MARCHF1: variants seen among roughly 807,000 people sequenced by gnomAD.
MARCHF1 encodes the protein membrane associated ring-CH-type finger 1, also known as E3 ubiquitin-protein ligase MARCHF1.
Under a neutral mutation model 54.2 loss-of-function variants are expected in MARCHF1, and 40 were observed. The ratio of observed to expected loss-of-function variants is 0.74; its 90% CI spans 0.57 to 0.96. The LOEUF is 0.96. MARCHF1 is among the 40% of genes least tolerant of loss of function. MARCHF1 has a pLI of 0.00. For synonymous variants in MARCHF1, 236 were observed against 236.3 expected (o/e 1.00, Z 0.01); for missense variants, 586 against 656.5 (o/e 0.89, Z 1.17).
At chr4:164,141,480 T>C (rs17044543) in intron 1 of MARCHF1, among the ~76,000 whole-genome samples, 28,242 of 152,142 alleles carry the variant, frequency 0.19, 4,119 homozygotes, top group African/African-American at 0.39. Flanking sequence ...GTCTGTGCCA[T>C]ACCAAATCAG....
At chr4:164,285,576 A>G (rs956268780) in intron 1 of MARCHF1, among the ~76,000 whole-genome samples, 1 of 151,836 alleles carries the variant, frequency 6.6e-6, no homozygotes, top group Non-Finnish European at 1.5e-5. Flanking sequence ...ACGAGTAGCT[A>G]GGACTCTAGG....
At chr4:164,119,937 T>C (rs1756029288) in intron 1 of MARCHF1, among the ~76,000 whole-genome samples, 1 of 152,060 alleles carries the variant, frequency 6.6e-6, no homozygotes, top group African/African-American at 2.4e-5. Context: ...ATGCCAATAG[T>C]ATTTAAATTG....
At chr4:163,905,558 T>C (rs760722890) in intron 3 of MARCHF1, among the ~76,000 whole-genome samples, 1 of 152,116 alleles carries the variant, frequency 6.6e-6, no homozygotes, top group Non-Finnish European at 1.5e-5. Context: ...AGGAAGAATT[T>C]CTGCTGAGAG....
intron 2 of MARCHF1, among the ~76,000 whole-genome samples, chr4:164,054,423 G>A (rs77650824): frequency 8.0e-5 from 12 of 150,598 alleles, no homozygotes; most frequent in East Asian, 2.0e-4. Context: ...TCCCATTACT[G>A]GGTATATACC....
chr4:164,111,735 G>A (rs1383062731), intron 1 of MARCHF1, 73 bp from the exon 2 acceptor site: 1 of 151,562 alleles, frequency 6.6e-6, no homozygotes, highest in African/African-American at 2.4e-5. Context: ...TTTGTATAAT[G>A]GAAAGACCAC....
intron 5 of MARCHF1, among the ~76,000 whole-genome samples, chr4:163,666,682 A>AT (rs1220376473): frequency 1.3e-5 from 2 of 151,734 alleles, no homozygotes; most frequent in Non-Finnish European, 2.9e-5. Context: ...CAGACAGAAG[A>AT]TGTCTTGTCA....
intron 2 of MARCHF1, among the ~76,000 whole-genome samples, chr4:164,031,103 C>G (rs1378383730): frequency 6.6e-6 from 1 of 152,140 alleles, no homozygotes; most frequent in African/African-American, 2.4e-5. Context: ...ACTTCCAATA[C>G]TCTGATGCAT....
At chr4:163,798,293 G>A (rs1224411514) in intron 4 of MARCHF1, among the ~76,000 whole-genome samples, 1 of 152,106 alleles carries the variant, frequency 6.6e-6, no homozygotes, top group Non-Finnish European at 1.5e-5. Context: ...TGCAAGCCAG[G>A]AAGGGAAACT....
chr4:164,101,318 T>G (rs9759819), intron 2 of MARCHF1, among the ~76,000 whole-genome samples: 1 of 147,656 alleles, frequency 6.8e-6, no homozygotes, highest in African/African-American at 2.5e-5. Context: ...CAGGGCACAG[T>G]CAAACAAAAA....
At chr4:163,981,656 A>G (rs1752766014) in intron 3 of MARCHF1, among the ~76,000 whole-genome samples, 1 of 152,194 alleles carries the variant, frequency 6.6e-6, no homozygotes, top group African/African-American at 2.4e-5. Context: ...CAGTACCTCA[A>G]ATTGAGGGAT....
chr4:163,763,237 T>C (rs887712840), intron 4 of MARCHF1, among the ~76,000 whole-genome samples: 1 of 152,064 alleles, frequency 6.6e-6, no homozygotes, highest in African/African-American at 2.4e-5. Context: ...GTAAACGTGA[T>C]CATGACCTGT....
Position 163,765,256 on chromosome 4 carries a change from T to C in MARCHF1, c.112-64393A>G, listed in dbSNP as rs1488026645. Among the ~76,000 whole-genome samples, 7 of 152,242 alleles carry C rather than the reference T, an allele frequency of 4.6e-5. 1 individual carries two copies. The highest frequency in any genetic ancestry group is 1.7e-4 in the African/African-American group (7 of 41,564). On this transcript the variant is annotated intron_variant, in intron 4 of 9. Coordinates refer to ENST00000514618, the MANE Select transcript of MARCHF1 (RefSeq NM_001394959.1). ...AAACTTAAAAGTGTGAAGCCCTATT[T>C]GCTGTATAGTCATTATATTCTAAAC...
chr4:163,715,094 A>C (rs1170821658), intron 4 of MARCHF1, among the ~76,000 whole-genome samples: 1 of 152,178 alleles, frequency 6.6e-6, no homozygotes, highest in East Asian at 1.9e-4. Context: ...AACGCCATTA[A>C]ATGGATTTTG....
At chr4:164,374,153 A>AT (rs1190350708) in intron 1 of MARCHF1, among the ~76,000 whole-genome samples, 5 of 152,166 alleles carry the variant, frequency 3.3e-5, no homozygotes, top group Non-Finnish European at 5.9e-5. Flanking sequence ...TTTTCGCATC[A>AT]TTTTTTCCTC....
intron 2 of MARCHF1, among the ~76,000 whole-genome samples, chr4:164,038,676 G>A (rs1754062979): frequency 6.6e-6 from 1 of 152,088 alleles, no homozygotes; most frequent in East Asian, 1.9e-4. Flanking sequence ...AGTGTAGACT[G>A]ATTGTATTTG....
intron 1 of MARCHF1, among the ~76,000 whole-genome samples, chr4:164,177,451 A>G (rs530665551): frequency 6.6e-6 from 1 of 152,228 alleles, no homozygotes; most frequent in Non-Finnish European, 1.5e-5. Context: ...ATGGCTTGTG[A>G]ATGACAAAGG....
intron 3 of MARCHF1, among the ~76,000 whole-genome samples, chr4:163,860,902 T>G (rs1749913079): frequency 1.3e-5 from 2 of 152,218 alleles, no homozygotes; most frequent in African/African-American, 4.8e-5. Context: ...GTATCATGTT[T>G]GGCTTTCTAC....
intron 5 of MARCHF1, among the ~76,000 whole-genome samples, chr4:163,633,443 A>G (rs1742184829): frequency 6.6e-6 from 1 of 152,366 alleles, no homozygotes; most frequent in East Asian, 1.9e-4. Flanking sequence ...GAACTACGTA[A>G]AGAATGCAGA....
intron 1 of MARCHF1, among the ~76,000 whole-genome samples, chr4:164,285,265 C>T (rs374974277): frequency 3.3e-5 from 5 of 151,988 alleles, no homozygotes; most frequent in East Asian, 1.9e-4. Context: ...AGCAGTGGTA[C>T]CATGTCTGTG....
Sources: allele counts gnomAD v4.1 joint callset (sites outside exome capture counted in the v4.1 genomes callset), GRCh38; gene constraint gnomAD v4.1.1; transcripts MANE v1.5; gene names NCBI Gene and HGNC (gene_info 2026-07-23, HGNC 2026-07-21).